C6orf58: variants seen among roughly 807,000 people sequenced by gnomAD.
C6orf58 encodes the protein chromosome 6 open reading frame 58.
Under a neutral mutation model 37.0 loss-of-function variants are expected in C6orf58, and 30 were observed. The observed-to-expected ratio is 0.81, with a 90% confidence interval of 0.61 to 1.10. The LOEUF (loss-of-function observed/expected upper bound fraction) is 1.10. C6orf58 is among the 50% of genes least tolerant of loss of function. The pLI is 0.00. For missense variants in C6orf58, 368 were observed against 387.5 expected (o/e 0.95, Z 0.42); for synonymous variants, 143 against 134.1 (o/e 1.07, Z -0.46).
At position 127,581,289 on chromosome 6, in the gene C6orf58, A is replaced by G. The variant is rs747768932; in HGVS notation, c.674+7A>G. The G allele has an allele frequency of 2.2e-6, 3 of 1,336,464 alleles. No homozygotes were observed. In the South Asian group the frequency reaches 4.5e-5, roughly 20 times the overall value. 82.8% of individuals were successfully genotyped at this position (1,336,464 alleles called of 1,614,324 possible). A position where few individuals can be genotyped will look rare whatever the true frequency, so the allele number is the denominator to read the frequency against. On this transcript the variant is annotated splice_region_variant and intron_variant, in intron 4 of 5. Coordinates refer to ENST00000329722, the MANE Select transcript of C6orf58 (RefSeq NM_001010905.3). ...TCAAAAGTTTTGAAGACAGGTAAGA[A>G]TGAATCTTTAAAGTATCTCTATTTA... is the stretch of plus-strand genomic sequence containing the variant.
intron 4 of C6orf58, among the ~76,000 whole-genome samples, chr6:127,586,772 G>A (rs924403637): frequency 6.6e-6 from 1 of 152,216 alleles, no homozygotes; most frequent in African/African-American, 2.4e-5. Context: ...CAAGGGGAGA[G>A]TGTCTTTGCA....
rs190227683 is a variant in C6orf58 at position 127,591,585 on chromosome 6, C to T, written c.956C>T (p.Ser319Leu). ...TEKSNVYRDH[S>L]ESSSRSYGNN... is the part of the protein sequence containing the mutation. ...AAATCTAATGTATATAGAGATCATTCGGAATCTAGCTCTAGAAGTTATGGA... is the reference window on the plus strand; with the variant it reads ...AAATCTAATGTATATAGAGATCATTTGGAATCTAGCTCTAGAAGTTATGGA... The change falls in exon 6 of 6, where the codon TCG becomes TTG. Residue 319 changes from serine (S) to leucine (L), a missense_variant. By Grantham distance (145) the Ser-to-Leu change is moderately radical. Transcript: ENST00000329722. 1.9e-4 allele frequency: 294 copies of T among 1,528,658 alleles called. No homozygotes were observed. In the Admixed American group the frequency reaches 2.6e-3, roughly 13 times the overall value. The allele number at this position is 1,528,658 out of a possible 1,614,324, so 94.7% of individuals were successfully genotyped here.
At chr6:127,578,059 A>G (rs997200852) in intron 1 of C6orf58, among the ~76,000 whole-genome samples, 1 of 152,134 alleles carries the variant, frequency 6.6e-6, no homozygotes, top group African/African-American at 2.4e-5. Flanking sequence ...CTCATGAGAA[A>G]GAGTGGTGCC....
chr6:127,579,133 C>A (rs572640029), intron 2 of C6orf58, among the ~76,000 whole-genome samples: 1 of 152,174 alleles, frequency 6.6e-6, no homozygotes, highest in Admixed American at 6.6e-5. Flanking sequence ...GATGCTTTTT[C>A]ATTTTGCTCA....
At chr6:127,579,899 T>C (rs1253041939) in intron 2 of C6orf58, among the ~76,000 whole-genome samples, 1 of 152,080 alleles carries the variant, frequency 6.6e-6, no homozygotes, top group African/African-American at 2.4e-5. Flanking sequence ...CAATTCACAA[T>C]AAAACCGTAA....
rs143205304 is a variant in C6orf58, at chr6:127,581,263, A to G, written c.655A>G (p.Ile219Val). 6.6e-7 allele frequency: 1 copy of G among 1,516,288 alleles called. No homozygotes were observed. The highest frequency in any genetic ancestry group is 8.9e-7 in the Non-Finnish European group (1 of 1,123,494). 93.9% of individuals were successfully genotyped at this position (1,516,288 alleles called of 1,614,324 possible). ...ACACACTTCAACCTTGGCAGATAAT[A>G]TCAAAAGTTTTGAAGACAGGTAAGA... ...AAHTSTLADNIKSFEDRYDYY... is the reference protein window; with the variant it reads ...AAHTSTLADNVKSFEDRYDYY... The change falls in exon 4 of 6, where the codon ATC becomes GTC. Residue 219 changes from isoleucine (I) to valine (V), a missense_variant. Ile to Val is a conservative substitution (Grantham distance 29). Coordinates refer to ENST00000329722, the MANE Select transcript of C6orf58 (RefSeq NM_001010905.3).
intron 2 of C6orf58, among the ~76,000 whole-genome samples, chr6:127,579,148 A>G (rs1775021555): frequency 6.6e-6 from 1 of 152,140 alleles, no homozygotes; most frequent in Non-Finnish European, 1.5e-5. Context: ...TGCTCAGACC[A>G]GATGTGGTTA....
intron 2 of C6orf58, 120 bp from the exon 3 acceptor site, chr6:127,580,145 G>A (rs1775033351): frequency 1.1e-5 from 7 of 664,346 alleles, no homozygotes; most frequent in South Asian, 1.0e-4. Flanking sequence ...TTTTCCTAAT[G>A]GTTAGCTTTT....
chr6:127,584,657 C>T lies in C6orf58; in HGVS notation c.674+3375C>T, dbSNP rs533802387. On this transcript the variant is annotated intron_variant, in intron 4 of 5. Transcript: ENST00000329722. ...GGCGTGGTGTTGCAGGCCTGTAGTA[C>T]CAGCTACTTGGGAGGCTGAGGCAGA... Among the ~76,000 whole-genome samples the T allele has an allele frequency of 2.0e-5, 3 of 150,380 alleles. No individual in the cohort carries two copies. The East Asian group carries it at 5.8e-4, about 29-fold the overall frequency.
At chr6:127,586,740 A>T (rs1775111288) in intron 4 of C6orf58, among the ~76,000 whole-genome samples, 1 of 152,198 alleles carries the variant, frequency 6.6e-6, no homozygotes, top group Non-Finnish European at 1.5e-5. Flanking sequence ...AGTATTATTG[A>T]AGTCAAGAGA....
chr6:127,578,595 T>C lies in C6orf58; in HGVS notation c.302-91T>C, dbSNP rs1000959840. On this transcript the variant is annotated intron_variant, in intron 1 of 5. Transcript: ENST00000329722. ...TCATTCAGAAATAAATGCTTTTGTA[T>C]CTACAAACAAAATCTATGTGGTTAA... 4 of 762,488 alleles carry C rather than the reference T, an allele frequency of 5.2e-6. No homozygotes were observed. In the Admixed American group the frequency reaches 9.2e-5, roughly 18 times the overall value. 47.2% of individuals were successfully genotyped at this position (762,488 alleles called of 1,614,324 possible).
chr6:127,591,282 A>AT (rs1366429316), intron 5 of C6orf58, among the ~76,000 whole-genome samples: 2 of 152,158 alleles, frequency 1.3e-5, no homozygotes, highest in Non-Finnish European at 2.9e-5. Context: ...TTTTATATAT[A>AT]TTTTTCTTGC....
chr6:127,587,715 A>G (rs1775120971), intron 4 of C6orf58, among the ~76,000 whole-genome samples: 1 of 152,148 alleles, frequency 6.6e-6, no homozygotes, highest in Non-Finnish European at 1.5e-5. Flanking sequence ...ACAAGGAGAA[A>G]CTCAATTTTC....
chr6:127,587,693 C>T (rs1038063670), intron 4 of C6orf58, among the ~76,000 whole-genome samples: 7 of 152,020 alleles, frequency 4.6e-5, no homozygotes, highest in Admixed American at 4.6e-4. Context: ...CTCATTTGAC[C>T]TAGGAGTTCA....
intron 4 of C6orf58, among the ~76,000 whole-genome samples, chr6:127,589,316 A>G (rs986289554): frequency 2.6e-5 from 4 of 152,214 alleles, no homozygotes; most frequent in African/African-American, 9.6e-5. Flanking sequence ...GTACCTGCTG[A>G]ACCACATGGT....
rs137940977 is a variant in C6orf58, at chr6:127,577,616, A to G, written c.301+130A>G. The stretch of plus-strand genomic sequence containing the variant: ...TCTTTATCTTGTTCTCTTTTCCCTT[A>G]TAATCATTGTTTTTCTACCTATCCT... On this transcript the variant is annotated intron_variant, in intron 1 of 5. Coordinates refer to ENST00000329722, the MANE Select transcript of C6orf58 (RefSeq NM_001010905.3). 1.2e-4 allele frequency: 90 copies of G among 781,936 alleles called. No homozygotes were observed. The African/African-American group carries it at 1.2e-3, about 10-fold the overall frequency. 48.4% of individuals were successfully genotyped at this position (781,936 alleles called of 1,614,324 possible).
intron 4 of C6orf58, among the ~76,000 whole-genome samples, chr6:127,585,371 T>C (rs994082855): frequency 1.3e-5 from 2 of 152,176 alleles, no homozygotes; most frequent in African/African-American, 4.8e-5. Context: ...TTGATCAAAA[T>C]AGGATCACAG....
chr6:127,580,327 A>T lies in C6orf58; in HGVS notation c.451A>T (p.Ile151Leu). 1.9e-6 allele frequency: 3 copies of T among 1,613,078 alleles called. No individual in the cohort carries two copies. The highest frequency in any genetic ancestry group is 1.7e-4 in the Middle Eastern group (1 of 6,056). Residue 151 changes from isoleucine to leucine, a missense_variant, in exon 3 of 6, where the codon ATA (isoleucine) becomes TTA (leucine). Ile to Leu is a conservative substitution (Grantham distance 5). Transcript: ENST00000329722. The stretch of plus-strand genomic sequence containing the variant: ...TGCGGTTGATTCTGGTGTAATGGGG[A>T]TATCATCAGACCAAGTCAGGCTTTT... ...LAAVDSGVMG[I>L]SSDQVRLLPP... is the part of the protein sequence containing the mutation.
At position 127,580,468 on chromosome 6, in the gene C6orf58, T is replaced by TA; in HGVS notation, c.573+20dup. ...TTACCAGGTTCCTTCTTTATACTCT[T>TA]ACGAGATAGGAAGAGAGTTTATTTT... On this transcript the variant is annotated intron_variant, in intron 3 of 5. Coordinates refer to ENST00000329722, the MANE Select transcript of C6orf58 (RefSeq NM_001010905.3). The TA allele has an allele frequency of 5.1e-6, 8 of 1,576,512 alleles. No homozygotes were observed. The highest frequency in any genetic ancestry group is 6.1e-6 in the Non-Finnish European group (7 of 1,149,266).
Sources: gnomAD v4.1 joint callset for allele counts (sites outside exome capture counted in the v4.1 genomes callset) on GRCh38, gnomAD v4.1.1 for gene constraint, MANE v1.5 for transcripts, NCBI Gene and HGNC (gene_info 2026-07-23, HGNC 2026-07-21) for gene names.